BIK: variants seen among roughly 807,000 people sequenced by gnomAD.
BIK encodes bcl-2-interacting killer.
Under a neutral mutation model 12.1 loss-of-function variants are expected in BIK, and 14 were observed. That is an observed-to-expected ratio of 1.16 (90% CI 0.77 to 1.81). The LOEUF is 1.81. BIK is among the 40% of genes most tolerant of loss of function. The probability of loss-of-function intolerance (pLI) is 0.00; values close to 1 mark genes in which losing one functional copy is unlikely to be tolerated. For synonymous variants in BIK, 86 were observed against 92.3 expected (o/e 0.93, Z 0.39); for missense variants, 215 against 207.9 (o/e 1.03, Z -0.21).
chr22:43,110,942 C>T (rs1236348790), intron 1 of BIK, 139 bp downstream of exon 1: 4 of 152,170 alleles, frequency 2.6e-5, no homozygotes, highest in Non-Finnish European at 5.9e-5. Context: ...CAGCAAGTCG[C>T]TGGCGGGGCG....
In BIK at chr22:43,119,826, G is replaced by C. The variant is rs529363999; in HGVS notation, c.-7-4190G>C. 1.1e-4 allele frequency among the ~76,000 whole-genome samples: 17 copies of C among 152,242 alleles called. 1 individual carries two copies. In the South Asian group the frequency reaches 3.5e-3, roughly 32 times the overall value. On this transcript the variant is annotated intron_variant, in intron 1 of 4. Transcript: ENST00000216115. Reference sequence around the variant, plus strand: ...ATCTCTACAGCAATTCTATAAAAATGAGCCAAGTGCAGTGGTACATACCTG... The same window carrying C: ...ATCTCTACAGCAATTCTATAAAAATCAGCCAAGTGCAGTGGTACATACCTG...
Position 43,128,637 on chromosome 22 carries a change from G to A in BIK, c.390+12G>A, listed in dbSNP as rs749862194. 2 of 1,600,032 alleles carry A rather than the reference G, an allele frequency of 1.2e-6. No homozygotes were observed. Among genetic ancestry groups the A allele is most frequent in the East Asian group, 4.5e-5 (2 of 44,678 alleles). The stretch of plus-strand genomic sequence containing the variant: ...ACCCCGGGTCCTGGGTAAGAGCCTT[G>A]AGATCCCTGACCCTGACTTGCGCTG... On this transcript the variant is annotated intron_variant, in intron 4 of 4. Transcript: ENST00000216115.
At chr22:43,128,399 C>T in intron 3 of BIK, 97 bp from the exon 4 acceptor site, 1 of 1,488,946 alleles carries the variant, frequency 6.7e-7, no homozygotes, top group Admixed American at 1.8e-5. Context: ...GGCACAGGCC[C>T]CTGCTCCCCA....
intron 1 of BIK, among the ~76,000 whole-genome samples, chr22:43,116,591 T>G (rs2147019026): frequency 6.6e-6 from 1 of 152,184 alleles, no homozygotes; most frequent in East Asian, 1.9e-4. Context: ...CCCGAGTAGC[T>G]GGGATTACAG....
intron 3 of BIK, 110 bp downstream of exon 3, chr22:43,127,905 G>A: frequency 2.0e-6 from 2 of 1,009,842 alleles, no homozygotes; most frequent in Non-Finnish European, 2.7e-6. Flanking sequence ...TGTGGGGGAT[G>A]TGCCTTGACA....
At chr22:43,121,301 C>T (rs1171288177) in intron 1 of BIK, among the ~76,000 whole-genome samples, 1 of 152,182 alleles carries the variant, frequency 6.6e-6, no homozygotes, top group Non-Finnish European at 1.5e-5. Context: ...GGTCCTGGGT[C>T]TACTCAGATG....
chr22:43,119,404 CAT>C (rs1438688158), intron 1 of BIK, among the ~76,000 whole-genome samples: 3 of 152,266 alleles, frequency 2.0e-5, no homozygotes, highest in Middle Eastern at 3.4e-3. Context: ...AGTCAACAAA[CAT>C]ATGTCTGCTC....
chr22:43,117,200 G>A (rs1930132325), intron 1 of BIK, among the ~76,000 whole-genome samples: 1 of 152,122 alleles, frequency 6.6e-6, no homozygotes, highest in Non-Finnish European at 1.5e-5. Flanking sequence ...CCCAGCCCAG[G>A]CAGCCAAGCC....
At chr22:43,126,420 C>T (rs1238776052) in intron 2 of BIK, among the ~76,000 whole-genome samples, 1 of 152,056 alleles carries the variant, frequency 6.6e-6, no homozygotes, top group East Asian at 1.9e-4. Context: ...CTCCTGACCT[C>T]GTGATCTGCC....
chr22:43,121,064 A>G (rs1056436032), intron 1 of BIK, among the ~76,000 whole-genome samples: 2 of 152,140 alleles, frequency 1.3e-5, no homozygotes, highest in African/African-American at 4.8e-5. Context: ...AATCCCAGCT[A>G]CCTGGGAGTC....
chr22:43,120,582 A>G (rs1380232516), intron 1 of BIK, among the ~76,000 whole-genome samples: 1 of 152,168 alleles, frequency 6.6e-6, no homozygotes, highest in Non-Finnish European at 1.5e-5. Flanking sequence ...AAGGCTGGAG[A>G]CCAGTAAGGC....
chr22:43,126,819 C>G (rs1022697968), intron 2 of BIK, among the ~76,000 whole-genome samples: 2 of 152,086 alleles, frequency 1.3e-5, no homozygotes, highest in Non-Finnish European at 2.9e-5. Flanking sequence ...TGAGGTTTCC[C>G]AGGGTAACAG....
intron 1 of BIK, among the ~76,000 whole-genome samples, chr22:43,115,435 T>C (rs1322301572): frequency 6.6e-6 from 1 of 152,082 alleles, no homozygotes; most frequent in Non-Finnish European, 1.5e-5. Flanking sequence ...GCAGTCTTCA[T>C]ATTCTTCAGC....
At chr22:43,118,384 T>C (rs1930158249) in intron 1 of BIK, among the ~76,000 whole-genome samples, 1 of 152,120 alleles carries the variant, frequency 6.6e-6, no homozygotes, top group Admixed American at 6.5e-5. Context: ...TGGGCAGTAG[T>C]GTATGTTTTC....
chr22:43,127,730 G>C lies in BIK; in HGVS notation c.195G>C (p.Gly65=). 1.3e-6 allele frequency: 2 copies of C among 1,555,684 alleles called. No individual in the cohort carries two copies. The highest frequency in any genetic ancestry group is 2.7e-5 in the African/African-American group (2 of 73,452). Residue 65 remains glycine (G), a synonymous_variant, in exon 3 of 5, where the codon GGG becomes GGC. Coordinates refer to ENST00000216115, the MANE Select transcript of BIK (RefSeq NM_001197.5). ...TGGCCCTGCGGCTGGCCTGCATCGGGGACGAGATGGACGTGAGCCTCAGGG... is the reference window on the plus strand; with the variant it reads ...TGGCCCTGCGGCTGGCCTGCATCGGCGACGAGATGGACGTGAGCCTCAGGG... The part of the protein sequence containing the change: ...DALALRLACI[G]DEMDVSLRAP...
chr22:43,119,302 AAAAG>A (rs1365957914), intron 1 of BIK, among the ~76,000 whole-genome samples: 1 of 152,080 alleles, frequency 6.6e-6, no homozygotes, highest in African/African-American at 2.4e-5. Flanking sequence ...GCTGGAAAAA[AAAAG>A]ATAATAAAAA....
At chr22:43,117,370 C>A in intron 1 of BIK, among the ~76,000 whole-genome samples, 1 of 130,678 alleles carries the variant, frequency 7.7e-6, no homozygotes, top group East Asian at 2.2e-4. Flanking sequence ...TTTTTTTTTT[C>A]TTTTTCTTTT....
At position 43,113,860 on chromosome 22, in the gene BIK, G is replaced by T. The variant is rs562340026; in HGVS notation, c.-8+3057G>T. Among the ~76,000 whole-genome samples, 16 of 152,310 alleles carry T rather than the reference G, an allele frequency of 1.1e-4. 2 individuals are homozygous for T. The highest frequency in any genetic ancestry group is 3.4e-3 in the Middle Eastern group (1 of 294). On this transcript the variant is annotated intron_variant, in intron 1 of 4. Coordinates refer to ENST00000216115, the MANE Select transcript of BIK (RefSeq NM_001197.5). ...CTACCGTCTGTGCTCAGAACAGTTTGAGCCGTATGGAGGAAGTCTCCGCAC... is the reference window on the plus strand; with the variant it reads ...CTACCGTCTGTGCTCAGAACAGTTTTAGCCGTATGGAGGAAGTCTCCGCAC...
intron 1 of BIK, among the ~76,000 whole-genome samples, chr22:43,117,779 T>G (rs1601729185): frequency 6.6e-6 from 1 of 151,766 alleles, no homozygotes; most frequent in Non-Finnish European, 1.5e-5. Context: ...CAAGCGATTC[T>G]CCTGCCTCAG....
Sources: allele counts gnomAD v4.1 joint callset (sites outside exome capture counted in the v4.1 genomes callset), GRCh38; gene constraint gnomAD v4.1.1; transcripts MANE v1.5; gene names NCBI Gene and HGNC (gene_info 2026-07-23, HGNC 2026-07-21).